PLB1: variants seen among roughly 807,000 people sequenced by gnomAD.
PLB1 encodes phospholipase B1, also known as phospholipase B1, membrane-associated.
A neutral mutation model predicts 227.4 loss-of-function variants in PLB1; 242 were observed. The observed-to-expected ratio is 1.06, with a 90% CI of 0.96 to 1.18. PLB1 has a LOEUF of 1.18. Among genes scored for constraint, PLB1 ranks in the 50% most tolerant of loss-of-function variants. The pLI is 0.00. For missense variants in PLB1, 1,858 were observed against 1,816.3 expected (o/e 1.02, Z -0.42); for synonymous variants, 757 against 682.2 (o/e 1.11, Z -1.71).
In PLB1 at chr2:28,542,087, C is replaced by G. The variant is rs1460223923; in HGVS notation, c.879+276C>G. On this transcript the variant is annotated intron_variant, in intron 13 of 57. Transcript: ENST00000327757. ...GGCAGAGGCTTCAGTGAGCTGAGAT[C>G]CTGCCACTGCACTCCAGCCTGGGCA... 2.7e-5 allele frequency among the ~76,000 whole-genome samples: 4 copies of G among 150,078 alleles called. No individual in the cohort carries two copies. The East Asian group carries it at 7.9e-4, about 30-fold the overall frequency.
chr2:28,541,638 G>A, intron 12 of PLB1, 69 bp from the exon 13 acceptor site: 1 of 1,161,500 alleles, frequency 8.6e-7, no homozygotes, highest in Non-Finnish European at 1.3e-6. Context: ...AGAATGATTT[G>A]GTCAGGTCTG....
chr2:28,544,856 AC>A (rs1673004689), intron 14 of PLB1, among the ~76,000 whole-genome samples: 1 of 152,162 alleles, frequency 6.6e-6, no homozygotes, highest in African/African-American at 2.4e-5. Flanking sequence ...GAGAAGAGAT[AC>A]GGAGATAAGG....
chr2:28,556,188 A>G (rs1189549970), intron 17 of PLB1, among the ~76,000 whole-genome samples: 2 of 152,156 alleles, frequency 1.3e-5, no homozygotes, highest in East Asian at 3.9e-4. Flanking sequence ...AACCTTCTTT[A>G]TAGTCTCATT....
chr2:28,599,058 C>T (rs1683449285), intron 35 of PLB1, among the ~76,000 whole-genome samples: 1 of 152,204 alleles, frequency 6.6e-6, no homozygotes, highest in South Asian at 2.1e-4. Context: ...CTCACCAAGG[C>T]ACAACAGTGC....
intron 54 of PLB1, among the ~76,000 whole-genome samples, chr2:28,631,147 T>TATC (rs751038451): frequency 2.9e-4 from 37 of 129,470 alleles, no homozygotes; most frequent in Non-Finnish European, 4.8e-4. Flanking sequence ...CGTGAGACCC[T>TATC]ATCTCAAAAA....
intron 32 of PLB1, 121 bp from the exon 33 acceptor site, chr2:28,593,560 C>A: frequency 1.3e-6 from 1 of 788,974 alleles, no homozygotes; most frequent in Non-Finnish European, 2.1e-6. Flanking sequence ...CTCCTGGTTC[C>A]ATGTCTGCTC....
intron 14 of PLB1, among the ~76,000 whole-genome samples, chr2:28,544,555 C>T (rs541654592): frequency 3.3e-4 from 50 of 152,348 alleles, no homozygotes; most frequent in African/African-American, 1.2e-3. Flanking sequence ...CCAAATGTGG[C>T]TTCTGTTCTC....
At position 28,545,085 on chromosome 2, in the gene PLB1, C is replaced by T. The variant is rs557846840; in HGVS notation, c.936+1817C>T. Among the ~76,000 whole-genome samples, 9 of 152,282 alleles carry T rather than the reference C, an allele frequency of 5.9e-5. No homozygotes were observed. The East Asian group carries it at 9.7e-4, about 16-fold the overall frequency. On this transcript the variant is annotated intron_variant, in intron 14 of 57. Transcript: ENST00000327757. ...CCACGTACGGTCTCTTAAAACTACT[C>T]GAGGGTCAGAATGAGCACGTACACA... is the stretch of plus-strand genomic sequence containing the variant.
intron 1 of PLB1, among the ~76,000 whole-genome samples, chr2:28,496,691 AC>A (rs1666487074): frequency 6.6e-6 from 1 of 152,204 alleles, no homozygotes; most frequent in African/African-American, 2.4e-5. Flanking sequence ...CTTTCATTGA[AC>A]TGAGTGGGCA....
At chr2:28,614,996 G>C (rs1179485902) in intron 44 of PLB1, among the ~76,000 whole-genome samples, 2 of 152,144 alleles carry the variant, frequency 1.3e-5, no homozygotes, top group East Asian at 3.9e-4. Context: ...AGTGATGACA[G>C]CTCTGAGGAG....
At chr2:28,622,388 G>A (rs1026459866) in intron 49 of PLB1, among the ~76,000 whole-genome samples, 3 of 152,108 alleles carry the variant, frequency 2.0e-5, no homozygotes, top group East Asian at 1.9e-4. Flanking sequence ...GTTGTCATAA[G>A]GATTAAATGA....
intron 20 of PLB1, among the ~76,000 whole-genome samples, chr2:28,568,292 C>G (rs1677399504): frequency 6.6e-6 from 1 of 152,206 alleles, no homozygotes; most frequent in Non-Finnish European, 1.5e-5. Flanking sequence ...GGGCTCTTTA[C>G]TTCCCATGCT....
intron 44 of PLB1, among the ~76,000 whole-genome samples, 154 bp downstream of exon 44, chr2:28,614,250 C>T (rs1318391369): frequency 6.6e-6 from 1 of 152,102 alleles, no homozygotes; most frequent in Admixed American, 6.5e-5. Context: ...TCCCGGACCA[C>T]GAAGCCCCAG....
At chr2:28,516,526 T>A (rs1352859800) in intron 1 of PLB1, among the ~76,000 whole-genome samples, 1 of 152,206 alleles carries the variant, frequency 6.6e-6, no homozygotes, top group Non-Finnish European at 1.5e-5. Flanking sequence ...CAATCTGTGA[T>A]AATGTGCTTG....
intron 43 of PLB1, among the ~76,000 whole-genome samples, chr2:28,607,392 A>G (rs549016717): frequency 6.6e-6 from 1 of 151,982 alleles, no homozygotes; most frequent in African/African-American, 2.4e-5. Context: ...ATCCTGAGAG[A>G]GTGGGCACCC....
chr2:28,642,377 C>T (rs34424799), intron 57 of PLB1, among the ~76,000 whole-genome samples: 61,000 of 151,940 alleles, frequency 0.4, 12,410 homozygotes, highest in African/African-American at 0.46. Context: ...AAGGCAAGAA[C>T]GCACACGATC....
intron 4 of PLB1, among the ~76,000 whole-genome samples, chr2:28,524,043 G>A (rs1254688997): frequency 6.6e-6 from 1 of 152,236 alleles, no homozygotes; most frequent in African/African-American, 2.4e-5. Context: ...TCTCCAATTA[G>A]TGAGATTTCC....
intron 32 of PLB1, 89 bp downstream of exon 32, chr2:28,592,808 C>G: frequency 8.0e-7 from 1 of 1,257,136 alleles, no homozygotes. Flanking sequence ...GCATGCCTGT[C>G]CTCTGCCTTA....
At chr2:28,568,096 T>C (rs1677360904) in intron 20 of PLB1, among the ~76,000 whole-genome samples, 1 of 152,202 alleles carries the variant, frequency 6.6e-6, no homozygotes, top group African/African-American at 2.4e-5. Context: ...TTTTGGTTAT[T>C]TGTAAATCCT....
Sources: allele counts gnomAD v4.1 joint callset (sites outside exome capture counted in the v4.1 genomes callset), GRCh38; gene constraint gnomAD v4.1.1; transcripts MANE v1.5; gene names NCBI Gene and HGNC (gene_info 2026-07-23, HGNC 2026-07-21).